The following SGCD variants were observed in gnomAD, a reference collection of about 807,000 sequenced individuals.
SGCD encodes delta-sarcoglycan.
Under a neutral mutation model 36.6 loss-of-function variants are expected in SGCD, and 18 were observed. The observed-to-expected ratio is 0.49, with a 90% confidence interval of 0.34 to 0.73. The LOEUF is 0.73. Ranked by LOEUF, SGCD falls within the 30% of genes least tolerant of loss-of-function variation. The pLI is 0.01. For synonymous variants in SGCD, 133 were observed against 130.6 expected, an observed-to-expected ratio of 1.02 and a Z score of -0.12; for missense variants, 387 against 346.7, an observed-to-expected ratio of 1.12 and a Z score of -0.92.
intron 1 of SGCD, among the ~76,000 whole-genome samples, chr5:156,103,233 C>T (rs1581100843): frequency 6.6e-6 from 1 of 152,126 alleles, no homozygotes; most frequent in East Asian, 1.9e-4. Flanking sequence ...GTCTAAGCCC[C>T]ACTACTACTC....
chr5:155,773,360 C>A, the SGCD span, among the ~76,000 whole-genome samples: 1 of 152,062 alleles, frequency 6.6e-6, no homozygotes, highest in African/African-American at 2.4e-5. Flanking sequence ...ATTTTTTCTT[C>A]ATAAAGACGG....
chr5:155,868,648 A>C (rs1007914460), upstream of SGCD, among the ~76,000 whole-genome samples: 3 of 152,042 alleles, frequency 2.0e-5, no homozygotes, highest in African/African-American at 7.2e-5. Flanking sequence ...TATATGGGAG[A>C]GATTTGTGAG....
chr5:156,682,191 G>A (rs1247559779), intron 7 of SGCD, among the ~76,000 whole-genome samples: 1 of 152,266 alleles, frequency 6.6e-6, no homozygotes, highest in African/African-American at 2.4e-5. Context: ...AGATAACGTA[G>A]AATGTCACTG....
rs569595051 is a variant in SGCD, at chr5:156,696,490, C to T, written c.575+48954C>T. Among the ~76,000 whole-genome samples the T allele has an allele frequency of 9.2e-5, 14 of 152,302 alleles. No homozygotes were observed. In the East Asian group the frequency reaches 2.3e-3, roughly 25 times the overall value. On this transcript the variant is annotated intron_variant, in intron 7 of 8. Transcript: ENST00000337851. ...AGGGCTTAACAGAAAACAAAATCTTCTCTCAATGCTTGCAATTTAAATATT... is the reference window on the plus strand; with the variant it reads ...AGGGCTTAACAGAAAACAAAATCTTTTCTCAATGCTTGCAATTTAAATATT...
intron 1 of SGCD, among the ~76,000 whole-genome samples, chr5:156,091,654 T>A (rs1198192992): frequency 6.6e-6 from 1 of 152,160 alleles, no homozygotes; most frequent in Non-Finnish European, 1.5e-5. Flanking sequence ...CAAGGTTGGG[T>A]TCCATGGCTG....
At chr5:155,768,172 A>G in the SGCD span, among the ~76,000 whole-genome samples, 3 of 152,072 alleles carry the variant, frequency 2.0e-5, no homozygotes, top group Non-Finnish European at 2.9e-5. Context: ...TGAAATTTGT[A>G]TTAGGAATTG....
chr5:156,462,259 G>T (rs1754518182), intron 3 of SGCD, among the ~76,000 whole-genome samples: 1 of 152,128 alleles, frequency 6.6e-6, no homozygotes, highest in African/African-American at 2.4e-5. Context: ...CCAGCTTCTG[G>T]CTTGAAGGAA....
chr5:155,855,543 G>A, the SGCD span, among the ~76,000 whole-genome samples: 1 of 152,132 alleles, frequency 6.6e-6, no homozygotes, highest in Non-Finnish European at 1.5e-5. Context: ...CTTTGATGAA[G>A]AACTTGCTTG....
the SGCD span, among the ~76,000 whole-genome samples, chr5:155,745,409 A>G: frequency 6.6e-6 from 1 of 152,056 alleles, no homozygotes; most frequent in Non-Finnish European, 1.5e-5. Flanking sequence ...CTCCTAAGAT[A>G]CTCTATAATC....
chr5:156,758,236 G>T (rs572424502), intron 8 of SGCD, among the ~76,000 whole-genome samples: 1 of 152,058 alleles, frequency 6.6e-6, no homozygotes, highest in Non-Finnish European at 1.5e-5. Flanking sequence ...GTCCCAGCTG[G>T]GTGAACAGAA....
the SGCD span, among the ~76,000 whole-genome samples, chr5:155,850,205 G>A: frequency 0.26 from 40,082 of 152,020 alleles, 5,907 homozygotes; most frequent in Admixed American, 0.46. Context: ...TGCTGACTAG[G>A]AATTGGTTTA....
chr5:156,308,711 C>T (rs1051189106), intron 3 of SGCD, among the ~76,000 whole-genome samples: 1 of 152,278 alleles, frequency 6.6e-6, no homozygotes, highest in Admixed American at 6.5e-5. Context: ...AGGTCCCTCA[C>T]CTGACATGGG....
At chr5:156,043,713 A>C (rs1759692224) in intron 1 of SGCD, among the ~76,000 whole-genome samples, 1 of 152,202 alleles carries the variant, frequency 6.6e-6, no homozygotes, top group Non-Finnish European at 1.5e-5. Context: ...AAATTAACAA[A>C]ACAGCCCTAC....
intron 3 of SGCD, among the ~76,000 whole-genome samples, chr5:156,202,917 A>G (rs931524758): frequency 6.6e-6 from 1 of 152,004 alleles, no homozygotes; most frequent in African/African-American, 2.4e-5. Context: ...AAAGGTTTTA[A>G]TTTTCTACAA....
At chr5:156,140,496 T>A (rs756529959) in intron 3 of SGCD, among the ~76,000 whole-genome samples, 1 of 152,220 alleles carries the variant, frequency 6.6e-6, no homozygotes, top group Non-Finnish European at 1.5e-5. Flanking sequence ...ATCCTTCTTA[T>A]ACACTGGCAA....
At chr5:156,356,091 A>G (rs1358636473) in intron 3 of SGCD, among the ~76,000 whole-genome samples, 1 of 152,234 alleles carries the variant, frequency 6.6e-6, no homozygotes, top group Non-Finnish European at 1.5e-5. Context: ...TCTAATCTTC[A>G]TTCATTTAAT....
intron 7 of SGCD, among the ~76,000 whole-genome samples, chr5:156,727,052 A>G (rs1185735880): frequency 1.3e-5 from 2 of 152,238 alleles, no homozygotes; most frequent in Admixed American, 1.3e-4. Flanking sequence ...ATGTTTATTC[A>G]GGACCATTGC....
chr5:155,813,198 G>A, the SGCD span, among the ~76,000 whole-genome samples: 1 of 151,990 alleles, frequency 6.6e-6, no homozygotes, highest in East Asian at 1.9e-4. Context: ...GAGAGGTATG[G>A]GATGCTATGT....
chr5:156,442,395 T>A (rs1241729427), intron 3 of SGCD, among the ~76,000 whole-genome samples: 1 of 152,210 alleles, frequency 6.6e-6, no homozygotes, highest in Non-Finnish European at 1.5e-5. Flanking sequence ...GGACCTTTTG[T>A]AAGTCCCCAC....
Sources: allele counts gnomAD v4.1 joint callset (sites outside exome capture counted in the v4.1 genomes callset), GRCh38; gene constraint gnomAD v4.1.1; transcripts MANE v1.5; gene names NCBI Gene and HGNC (gene_info 2026-07-23, HGNC 2026-07-21).